Variants in CHN2 observed in about 807,000 individuals in gnomAD.
CHN2 encodes the protein chimerin 2.
Under a neutral mutation model 56.3 loss-of-function variants are expected in CHN2, and 35 were observed. The ratio of observed to expected loss-of-function variants is 0.62; its 90% CI spans 0.47 to 0.82. The LOEUF is 0.82. Ranked by LOEUF, CHN2 falls within the 40% of genes least tolerant of loss-of-function variation. The pLI, the probability that CHN2 is intolerant of heterozygous loss-of-function variation, is 0.00. For synonymous variants in CHN2, 210 were observed against 212.8 expected (o/e 0.99, Z 0.12); for missense variants, 491 against 580.5 (o/e 0.85, Z 1.58).
intron 6 of CHN2, among the ~76,000 whole-genome samples, chr7:29,438,662 A>G (rs1256784582): frequency 1.3e-5 from 2 of 152,164 alleles, no homozygotes; most frequent in African/African-American, 4.8e-5. Context: ...AACTTTACCT[A>G]CTTTGCACTG....
chr7:29,409,895 T>C (rs1208681950), intron 6 of CHN2, among the ~76,000 whole-genome samples: 2 of 152,200 alleles, frequency 1.3e-5, no homozygotes, highest in Admixed American at 1.3e-4. Flanking sequence ...ACCACTTTTA[T>C]CACCTTTGAC....
At chr7:29,345,234 AG>A (rs1317042875) in intron 1 of CHN2, among the ~76,000 whole-genome samples, 1 of 152,250 alleles carries the variant, frequency 6.6e-6, no homozygotes, top group Non-Finnish European at 1.5e-5. Context: ...CAACAGGCTA[AG>A]GCTGACCCAC....
At chr7:29,421,802 C>A (rs1804373461) in intron 6 of CHN2, among the ~76,000 whole-genome samples, 1 of 152,190 alleles carries the variant, frequency 6.6e-6, no homozygotes, top group Non-Finnish European at 1.5e-5. Context: ...AGAGCACCCC[C>A]ATCCTTGCCA....
At chr7:29,507,617 A>G (rs1459881816) in intron 11 of CHN2, among the ~76,000 whole-genome samples, 1 of 152,132 alleles carries the variant, frequency 6.6e-6, no homozygotes, top group African/African-American at 2.4e-5. Flanking sequence ...GGGAACCAAC[A>G]CAGTCAGGCC....
chr7:29,453,633 A>G (rs916219661), intron 6 of CHN2, among the ~76,000 whole-genome samples: 1 of 152,148 alleles, frequency 6.6e-6, no homozygotes, highest in Non-Finnish European at 1.5e-5. Flanking sequence ...AAGAAGCATC[A>G]TTAAATTCTG....
intron 6 of CHN2, among the ~76,000 whole-genome samples, chr7:29,471,319 C>G (rs537966259): frequency 6.6e-6 from 1 of 152,296 alleles, no homozygotes; most frequent in Non-Finnish European, 1.5e-5. Context: ...ACAAAGTCTT[C>G]CTCTATGAGG....
chr7:29,468,594 TTACTGCAGTGC>T (rs57436008), intron 6 of CHN2, among the ~76,000 whole-genome samples: 3,460 of 152,232 alleles, frequency 0.023, 130 homozygotes, highest in African/African-American at 0.076. Context: ...CCTACTCTTT[TTACTGCAGTGC>T]TTGGCTCCCC....
At chr7:29,157,477 G>A (rs548958935) in intron 2 of CHN2, among the ~76,000 whole-genome samples, 106 of 152,294 alleles carry the variant, frequency 7.0e-4, no homozygotes, top group Non-Finnish European at 1.2e-3. Context: ...GCTTCGCACA[G>A]TGGCTTATTC....
intron 1 of CHN2, among the ~76,000 whole-genome samples, chr7:29,299,589 A>G (rs1793478451): frequency 6.6e-6 from 1 of 151,808 alleles, no homozygotes; most frequent in South Asian, 2.1e-4. Context: ...GGGTCTTGAG[A>G]TAATAGATAA....
intron 1 of CHN2, among the ~76,000 whole-genome samples, chr7:29,336,948 C>A (rs2128909467): frequency 6.6e-6 from 1 of 152,186 alleles, no homozygotes; most frequent in Non-Finnish European, 1.5e-5. Flanking sequence ...GTGAGGTCTT[C>A]CTTGTTAGCT....
chr7:29,280,953 G>C (rs892339848), intron 1 of CHN2, among the ~76,000 whole-genome samples: 1 of 151,996 alleles, frequency 6.6e-6, no homozygotes, highest in African/African-American at 2.4e-5. Flanking sequence ...AAAATTAGCC[G>C]GGCATGGTGG....
intron 1 of CHN2, among the ~76,000 whole-genome samples, chr7:29,329,643 C>T (rs1254597188): frequency 6.6e-6 from 1 of 152,116 alleles, no homozygotes; most frequent in Non-Finnish European, 1.5e-5. Flanking sequence ...TACTTCCTGC[C>T]AGTTCAGTAA....
intron 1 of CHN2, among the ~76,000 whole-genome samples, chr7:29,291,665 C>T (rs76198357): frequency 6.6e-6 from 1 of 152,002 alleles, no homozygotes. Flanking sequence ...TAGGTTGATA[C>T]CAGTTTTTCT....
At chr7:29,190,070 C>G (rs914292879), upstream of CHN2, among the ~76,000 whole-genome samples, 1 of 152,236 alleles carries the variant, frequency 6.6e-6, no homozygotes, top group Admixed American at 6.5e-5. Flanking sequence ...CCTGAGGAAA[C>G]AGCGGGTTTC....
At chr7:29,300,542 G>A (rs1281084779) in intron 1 of CHN2, among the ~76,000 whole-genome samples, 1 of 151,924 alleles carries the variant, frequency 6.6e-6, no homozygotes, top group Non-Finnish European at 1.5e-5. Flanking sequence ...ACTTCTAATT[G>A]TGCTCAAAAT....
chr7:29,210,751 A>G (rs1226780290), intron 1 of CHN2, among the ~76,000 whole-genome samples: 2 of 152,130 alleles, frequency 1.3e-5, no homozygotes, highest in Non-Finnish European at 2.9e-5. Flanking sequence ...TTTAGTGGTC[A>G]GAGAAGGCTT....
intron 1 of CHN2, among the ~76,000 whole-genome samples, chr7:29,247,393 G>A (rs1013768663): frequency 3.9e-5 from 6 of 152,016 alleles, no homozygotes; most frequent in African/African-American, 9.7e-5. Flanking sequence ...ACCCCTCTCC[G>A]GCACTCAGGG....
intron 3 of CHN2, among the ~76,000 whole-genome samples, chr7:29,377,690 G>A (rs1168865107): frequency 1.3e-5 from 2 of 152,156 alleles, no homozygotes; most frequent in Admixed American, 6.5e-5. Flanking sequence ...TCTACCACTC[G>A]CCTGGCATCT....
intron 11 of CHN2, among the ~76,000 whole-genome samples, chr7:29,508,302 T>A (rs1418763776): frequency 6.6e-6 from 1 of 151,828 alleles, no homozygotes; most frequent in Admixed American, 6.5e-5. Context: ...GGCTACACTT[T>A]GCCCAGGAAG....
Sources: gnomAD v4.1 joint callset for allele counts (sites outside exome capture counted in the v4.1 genomes callset) on GRCh38, gnomAD v4.1.1 for gene constraint, MANE v1.5 for transcripts, NCBI Gene and HGNC (gene_info 2026-07-23, HGNC 2026-07-21) for gene names.